ARL15: variants seen among roughly 807,000 people sequenced by gnomAD.
ARL15 encodes ADP-ribosylation factor-like protein 15.
A neutral mutation model predicts 25.2 loss-of-function variants in ARL15; 19 were observed. That is an observed-to-expected ratio of 0.75 (90% CI 0.53 to 1.10). ARL15 has a LOEUF of 1.10. ARL15 is among the 50% of genes least tolerant of loss of function. The pLI, the probability that ARL15 is intolerant of heterozygous loss-of-function variation, is 0.00. For synonymous variants in ARL15, 94 were observed against 86.8 expected (o/e 1.08, Z -0.46); for missense variants, 220 against 246.0 (o/e 0.89, Z 0.71).
intron 4 of ARL15, among the ~76,000 whole-genome samples, chr5:53,984,091 G>C (rs1046042502): frequency 1.3e-5 from 2 of 152,164 alleles, no homozygotes; most frequent in Non-Finnish European, 2.9e-5. Flanking sequence ...GATATTAAGG[G>C]AAAATTGAAC....
intron 3 of ARL15, among the ~76,000 whole-genome samples, chr5:54,126,129 C>T (rs1753244960): frequency 6.6e-6 from 1 of 152,120 alleles, no homozygotes; most frequent in Non-Finnish European, 1.5e-5. Context: ...TTCTGTTCAT[C>T]AGCTTATTTC....
At chr5:54,090,256 T>C (rs1752091279) in intron 4 of ARL15, among the ~76,000 whole-genome samples, 1 of 152,108 alleles carries the variant, frequency 6.6e-6, no homozygotes, top group Non-Finnish European at 1.5e-5. Flanking sequence ...GAATAAACCA[T>C]AGCCTCAGAG....
chr5:54,094,117 A>G (rs1752213916), intron 4 of ARL15, among the ~76,000 whole-genome samples: 1 of 152,138 alleles, frequency 6.6e-6, no homozygotes. Context: ...CTAGTAGACA[A>G]ATTTTTGACA....
rs564422038 is a variant in ARL15 at position 54,066,720 on chromosome 5, C to T, written c.462+46482G>A. Among the ~76,000 whole-genome samples the T allele has an allele frequency of 2.6e-5, 4 of 152,174 alleles. No individual in the cohort carries two copies. The South Asian group carries it at 8.3e-4, about 32-fold the overall frequency. On this transcript the variant is annotated intron_variant, in intron 4 of 4. Coordinates refer to ENST00000504924, the MANE Select transcript of ARL15 (RefSeq NM_019087.3). ...TCCTACAACGCATAAAACTACTTCCCAACCTGCTGAGATTAAGAAATCTTA... is the reference window on the plus strand; with the variant it reads ...TCCTACAACGCATAAAACTACTTCCTAACCTGCTGAGATTAAGAAATCTTA...
At chr5:53,970,019 G>A (rs535609377) in intron 4 of ARL15, among the ~76,000 whole-genome samples, 3 of 152,268 alleles carry the variant, frequency 2.0e-5, no homozygotes, top group African/African-American at 7.2e-5. Flanking sequence ...GAGAACCTTG[G>A]AAGAAGTAAG....
intron 4 of ARL15, among the ~76,000 whole-genome samples, chr5:54,051,662 C>T (rs764720901): frequency 3.9e-5 from 6 of 152,146 alleles, no homozygotes; most frequent in African/African-American, 7.2e-5. Context: ...CAAAACAGTA[C>T]CACCAACAAC....
At chr5:54,238,696 T>C (rs943385461) in intron 1 of ARL15, among the ~76,000 whole-genome samples, 3 of 152,176 alleles carry the variant, frequency 2.0e-5, no homozygotes, top group Admixed American at 6.5e-5. Context: ...AAAAGTTAAA[T>C]GAAAAGTGTT....
At chr5:54,015,009 C>G (rs2111805468) in intron 4 of ARL15, among the ~76,000 whole-genome samples, 1 of 151,988 alleles carries the variant, frequency 6.6e-6, no homozygotes, top group East Asian at 1.9e-4. Context: ...TTCCTAAACC[C>G]AGGCCAGGCG....
intron 4 of ARL15, among the ~76,000 whole-genome samples, chr5:54,105,022 A>G (rs1016823600): frequency 1.3e-5 from 2 of 151,484 alleles, no homozygotes; most frequent in Non-Finnish European, 2.9e-5. Flanking sequence ...GGGTATTTTA[A>G]AGCAGACACT....
At chr5:54,192,090 G>A (rs1755420610) in intron 1 of ARL15, among the ~76,000 whole-genome samples, 1 of 151,996 alleles carries the variant, frequency 6.6e-6, no homozygotes, top group African/African-American at 2.4e-5. Context: ...TCCAACTTCA[G>A]GACCTTTGCA....
chr5:53,982,306 G>C (rs1047056756), intron 4 of ARL15, among the ~76,000 whole-genome samples: 3 of 151,442 alleles, frequency 2.0e-5, no homozygotes, highest in Non-Finnish European at 2.9e-5. Flanking sequence ...ATCTACATTA[G>C]GTATTTCTCC....
intron 1 of ARL15, among the ~76,000 whole-genome samples, chr5:54,197,015 T>C (rs1407929486): frequency 6.6e-6 from 1 of 152,192 alleles, no homozygotes; most frequent in Non-Finnish European, 1.5e-5. Flanking sequence ...GATTCTTCAA[T>C]AGTAAAAACA....
intron 1 of ARL15, among the ~76,000 whole-genome samples, chr5:54,228,364 A>G (rs963798423): frequency 6.6e-6 from 1 of 152,164 alleles, no homozygotes; most frequent in African/African-American, 2.4e-5. Flanking sequence ...CTAAATCACC[A>G]AATTCTGCAT....
At chr5:54,106,236 G>A (rs1752586539) in intron 4 of ARL15, among the ~76,000 whole-genome samples, 1 of 152,050 alleles carries the variant, frequency 6.6e-6, no homozygotes, top group Admixed American at 6.6e-5. Flanking sequence ...AGGAAGATGT[G>A]GTTTGTAAGC....
At chr5:54,016,460 T>A (rs1363843303) in intron 4 of ARL15, among the ~76,000 whole-genome samples, 1 of 152,126 alleles carries the variant, frequency 6.6e-6, no homozygotes, top group East Asian at 1.9e-4. Context: ...CACACTTGCT[T>A]TAACACTCTG....
At chr5:54,091,667 A>T (rs1376583082) in intron 4 of ARL15, among the ~76,000 whole-genome samples, 1 of 152,146 alleles carries the variant, frequency 6.6e-6, no homozygotes, top group Non-Finnish European at 1.5e-5. Context: ...GTCAACTGAC[A>T]GTCGGGCTTG....
intron 1 of ARL15, chr5:54,282,401 TG>T: frequency 1.0e-6 from 1 of 985,398 alleles, no homozygotes; most frequent in Non-Finnish European, 1.2e-6. Flanking sequence ...CCCTTGCTCT[TG>T]TTTCCCTCTT....
intron 3 of ARL15, among the ~76,000 whole-genome samples, chr5:54,119,155 C>T (rs1414708395): frequency 6.6e-6 from 1 of 152,130 alleles, no homozygotes; most frequent in African/African-American, 2.4e-5. Flanking sequence ...AGTTAAATTA[C>T]TCATACTTGT....
chr5:54,052,892 C>A (rs1032378512), intron 4 of ARL15, among the ~76,000 whole-genome samples: 1 of 152,012 alleles, frequency 6.6e-6, no homozygotes, highest in African/African-American at 2.4e-5. Context: ...AAAGGCTGAT[C>A]CTGTCTGCGG....
Sources: allele counts gnomAD v4.1 joint callset (sites outside exome capture counted in the v4.1 genomes callset), GRCh38; gene constraint gnomAD v4.1.1; transcripts MANE v1.5; gene names NCBI Gene and HGNC (gene_info 2026-07-23, HGNC 2026-07-21).